Variants in TTN observed in about 807,000 individuals in gnomAD.
TTN encodes connectin.
A neutral mutation model predicts 3,223.0 loss-of-function variants in TTN; 1,525 were observed. The observed-to-expected ratio is 0.47, with a 90% confidence interval of 0.45 to 0.49. The LOEUF (loss-of-function observed/expected upper bound fraction) is 0.49. Among genes scored for constraint, TTN ranks in the 20% least tolerant of loss-of-function variants. The pLI is 0.00. For synonymous variants in TTN, 14,094 were observed against 15,161.0 expected, an observed-to-expected ratio of 0.93 and a Z score of 5.17; for missense variants, 40,786 against 43,424.0, an observed-to-expected ratio of 0.94 and a Z score of 5.40.
rs781698590 is a variant in TTN, at chr2:178,611,707, C to T, written c.50552-30G>A. 7.4e-6 allele frequency: 12 copies of T among 1,612,154 alleles called. No homozygotes were observed. In the East Asian group the frequency reaches 2.5e-4, roughly 33 times the overall value. On this transcript the variant is annotated intron_variant, in intron 268 of 362. Transcript: ENST00000589042. ...GAAAAGAGTGAAATATTCATATCCA[C>T]AGTCTCATCAAGTTCTAGACAATAT...
At chr2:178,597,874 A>C in intron 293 of TTN, 34 bp downstream of exon 293, 1 of 1,612,826 alleles carries the variant, frequency 6.2e-7, no homozygotes, top group Non-Finnish European at 8.5e-7. Flanking sequence ...CTGAAACATA[A>C]ATACTGATGG....
chr2:178,584,748 G>C lies in TTN; in HGVS notation c.64893C>G (p.Ile21631Met). 1 of 1,613,526 alleles carries C rather than the reference G, an allele frequency of 6.2e-7. No homozygotes were observed. The highest frequency in any genetic ancestry group is 8.5e-7 in the Non-Finnish European group (1 of 1,179,598). The change falls in exon 310 of 363, where the codon ATC (isoleucine) becomes ATG (methionine). Residue 21631 changes from isoleucine to methionine, a missense_variant. Ile to Met is a conservative substitution (Grantham distance 10, BLOSUM62 1). Coordinates refer to ENST00000589042, the MANE Select transcript of TTN (RefSeq NM_001267550.2). The part of the protein sequence containing the change: ...VGKLIPGQEY[I>M]FRVRAENRFG... ...ATCGGTTTTCAGCACGGACCCGGAA[G>C]ATGTACTCCTGGCCTGGGATCAGCT...
Position 178,579,060 on chromosome 2 carries a change from G to A in TTN, c.67970C>T (p.Thr22657Ile). Reference protein sequence around the residue: ...PTGPIKFDEVTAEAMTLKWAP... With the variant: ...PTGPIKFDEVIAEAMTLKWAP... Reference sequence around the variant, plus strand: ...CCACTTTAAGGTCATGGCTTCTGCTGTGACTTCATCAAATTTGATTGGTCC... The same window carrying A: ...CCACTTTAAGGTCATGGCTTCTGCTATGACTTCATCAAATTTGATTGGTCC... Residue 22657 changes from threonine (T) to isoleucine (I), a missense_variant, in exon 320 of 363, where the codon ACA (threonine) becomes ATA (isoleucine). Transcript: ENST00000589042. The A allele has an allele frequency of 1.9e-6, 3 of 1,613,260 alleles. No homozygotes were observed. The highest frequency in any genetic ancestry group is 1.1e-5 in the South Asian group (1 of 91,076).
In TTN at chr2:178,549,839, C is replaced by T. The variant is rs780476250; in HGVS notation, c.91883G>A (p.Arg30628Lys). 22 of 1,583,646 alleles carry T rather than the reference C, an allele frequency of 1.4e-5. No individual in the cohort carries two copies. The African/African-American group carries it at 2.3e-4, about 17-fold the overall frequency. ...CTTCTCCCCAGTAATATTGGTGAATCTTATTGGCCCAACTACTTTTCCTGG... is the reference window on the plus strand; with the variant it reads ...CTTCTCCCCAGTAATATTGGTGAATTTTATTGGCCCAACTACTTTTCCTGG... Reference protein sequence around the residue: ...DTPGKVVGPIRFTNITGEKMT... With the variant: ...DTPGKVVGPIKFTNITGEKMT... Residue 30628 changes from arginine to lysine, a missense_variant, in exon 338 of 363, where the codon AGA (arginine) becomes AAA (lysine). Coordinates refer to ENST00000589042, the MANE Select transcript of TTN (RefSeq NM_001267550.2).
At chr2:178,703,122 C>T (rs1375954880) in intron 106 of TTN, among the ~76,000 whole-genome samples, 1 of 152,050 alleles carries the variant, frequency 6.6e-6, no homozygotes, top group Non-Finnish European at 1.5e-5. Context: ...ATTTCAAACG[C>T]AATCGGAAAT....
In TTN at chr2:178,581,741, G is replaced by A. The variant is rs779303152; in HGVS notation, c.66527C>T (p.Ser22176Phe). 81 of 1,608,732 alleles carry A rather than the reference G, an allele frequency of 5.0e-5. No homozygotes were observed. Among genetic ancestry groups the A allele is most frequent in the Non-Finnish European group, 6.6e-5 (78 of 1,177,398 alleles). Residue 22176 changes from serine (S) to phenylalanine (F), a missense_variant, in exon 316 of 363, where the codon TCT (serine) becomes TTT (phenylalanine). Coordinates refer to ENST00000589042, the MANE Select transcript of TTN (RefSeq NM_001267550.2). Reference sequence around the variant, plus strand: ...GCCGTCATAGGCTGGCTTGCCCCAAGATAGACTCACAGAGCTGCGAGTTGT... The same window carrying A: ...GCCGTCATAGGCTGGCTTGCCCCAAAATAGACTCACAGAGCTGCGAGTTGT... The part of the protein sequence containing the change: ...YDTTRSSVSL[S>F]WGKPAYDGGS...
In TTN at chr2:178,649,248, CT is replaced by C. The variant is rs1263988021; in HGVS notation, c.40056del (p.Val13353CysfsTer36). ...VTKKPEVLPE[K>X]VPKVPEKIIP... ...TCTATTTTTTCTTCATGGTAGGTAC[CT>C]TTTTCTGGAAGAACTTCTGGTTTTT... On this transcript the variant is annotated frameshift_variant and splice_region_variant, in exon 213 of 363. Transcript: ENST00000589042. LOFTEE classifies it high-confidence loss of function. The C allele has an allele frequency of 3.3e-6, 5 of 1,499,068 alleles. No individual in the cohort carries two copies. The highest frequency in any genetic ancestry group is 2.6e-5 in the Admixed American group (1 of 37,766). 92.9% of individuals were successfully genotyped at this position (1,499,068 alleles called of 1,614,324 possible).
At chr2:178,604,440 C>A in intron 281 of TTN, 135 bp from the exon 282 acceptor site, 1 of 803,048 alleles carries the variant, frequency 1.2e-6, no homozygotes, top group Non-Finnish European at 1.8e-6. Flanking sequence ...CATGGGAAGA[C>A]AGAGAAAAGG....
rs779496338 is a variant in TTN at position 178,728,724 on chromosome 2, G to A, written c.19202C>T (p.Pro6401Leu). ...AGCCACAACACATTCCAAGGTCATG[G>A]GATCTTTCTCCGTAACATCAACTGA... ...AKSVDVTEKD[P>L]MTLECVVAGT... The change falls in exon 66 of 363, where the codon CCC becomes CTC. Residue 6401 changes from proline (P) to leucine (L), a missense_variant. By Grantham distance (98) the Pro-to-Leu change is moderately conservative. Transcript: ENST00000589042. The A allele has an allele frequency of 6.2e-7, 1 of 1,610,916 alleles. No individual in the cohort carries two copies. The highest frequency in any genetic ancestry group is 1.1e-5 in the South Asian group (1 of 90,976).
intron 47 of TTN, chr2:178,750,159 G>A (rs757313809): frequency 6.2e-7 from 1 of 1,613,174 alleles, no homozygotes; most frequent in Admixed American, 1.7e-5. Flanking sequence ...AACAAATGAA[G>A]ATTTGTTTGG....
rs576735448 is a variant in TTN at position 178,619,609 on chromosome 2, A to G, written c.46696+12T>C. ...TGATATTGGAAGGATATTTTAAAATAAAGGGACTGACCTGCCAGTTCAAGC... is the reference window on the plus strand; with the variant it reads ...TGATATTGGAAGGATATTTTAAAATGAAGGGACTGACCTGCCAGTTCAAGC... On this transcript the variant is annotated intron_variant, in intron 250 of 362. Transcript: ENST00000589042. The G allele has an allele frequency of 6.2e-7, 1 of 1,606,804 alleles. No individual in the cohort carries two copies. The highest frequency in any genetic ancestry group is 1.3e-5 in the African/African-American group (1 of 74,382).
chr2:178,563,036 A>G lies in TTN; in HGVS notation c.83096T>C (p.Ile27699Thr), dbSNP rs1411163896. Reference sequence around the variant, plus strand: ...AACTTCGGGTTCTGGTCGACCTTTGATAGTGACAAATAAGCGTAAAGTAGC... The same window carrying G: ...AACTTCGGGTTCTGGTCGACCTTTGGTAGTGACAAATAAGCGTAAAGTAGC... ...ASATLRLFVT[I>T]KGRPEPEVKW... The change falls in exon 326 of 363, where the codon ATC (isoleucine) becomes ACC (threonine). Residue 27699 changes from isoleucine to threonine, a missense_variant. By Grantham distance (89) the Ile-to-Thr change is moderately conservative. Coordinates refer to ENST00000589042, the MANE Select transcript of TTN (RefSeq NM_001267550.2). This position sits in a 1 kb window ranked among gnomAD's most constrained non-coding sequence, Gnocchi z 4.5. 1.9e-6 allele frequency: 3 copies of G among 1,613,540 alleles called. No homozygotes were observed. The African/African-American group carries it at 4.0e-5, about 22-fold the overall frequency.
Position 178,773,642 on chromosome 2 carries a change from C to T in TTN, c.7414G>A (p.Asp2472Asn), listed in dbSNP as rs1486709515. 2 of 1,614,030 alleles carry T rather than the reference C, an allele frequency of 1.2e-6. No individual in the cohort carries two copies. Among genetic ancestry groups the T allele is most frequent in the South Asian group, 1.1e-5 (1 of 91,078 alleles). Residue 2472 changes from aspartate (D) to asparagine (N), a missense_variant, in exon 32 of 363, where the codon GAT becomes AAT. Transcript: ENST00000589042. ...AAGTACCACTTAACAGAAGTCACAT[C>T]AGGGACTGACACCTTACATTCAAGC... ...AVLECKVSVP[D>N]VTSVKWYLND...
intron 1 of TTN, among the ~76,000 whole-genome samples, chr2:178,805,456 T>C (rs922927866): frequency 1.3e-5 from 2 of 152,176 alleles, no homozygotes; most frequent in African/African-American, 4.8e-5. Flanking sequence ...ACTCTATATT[T>C]ATAAAGTTGA....
Position 178,729,346 on chromosome 2 carries a change from C to T in TTN, c.18810G>A (p.Gln6270=), listed in dbSNP as rs727505012. The T allele has an allele frequency of 6.2e-7, 1 of 1,613,542 alleles. No homozygotes were observed. Among genetic ancestry groups the T allele is most frequent in the Non-Finnish European group, 8.5e-7 (1 of 1,179,608 alleles). ...KCDPSDTGEY[Q]CIVSNEGGSC... ...TGCCGCCTTCATTGGATACAATGCA[C>T]TGGTATTCCCCAGTGTCTGAAGGGT... Residue 6270 remains glutamine (Q), a synonymous_variant, in exon 64 of 363, where the codon CAG becomes CAA. Transcript: ENST00000589042.
In TTN at chr2:178,767,744, G is replaced by A. The variant is rs1430805006; in HGVS notation, c.9471+15C>T. 10 of 1,613,142 alleles carry A rather than the reference G, an allele frequency of 6.2e-6. No homozygotes were observed. Among genetic ancestry groups the A allele is most frequent in the South Asian group, 2.2e-5 (2 of 91,074 alleles). On this transcript the variant is annotated intron_variant, in intron 40 of 362. Transcript: ENST00000589042. ...TACTGATGATTTTTCAAAACATTTAGTATGTAGACAATACCTGAACCTCCT... is the reference window on the plus strand; with the variant it reads ...TACTGATGATTTTTCAAAACATTTAATATGTAGACAATACCTGAACCTCCT...
At chr2:178,597,414 C>T (rs940900464) in intron 294 of TTN, 124 bp downstream of exon 294, 15 of 1,154,126 alleles carry the variant, frequency 1.3e-5, no homozygotes, top group African/African-American at 1.1e-4. Context: ...TAATGTTCAA[C>T]ATGATTATGG....
At position 178,560,860 on chromosome 2, in the gene TTN, G is replaced by A. The variant is rs1703387647; in HGVS notation, c.85272C>T (p.Asp28424=). 1.2e-6 allele frequency: 2 copies of A among 1,613,700 alleles called. No individual in the cohort carries two copies. The highest frequency in any genetic ancestry group is 2.7e-5 in the African/African-American group (2 of 75,040). ...LLTVKDCIRR[D]TGQYVLTLKN... The stretch of plus-strand genomic sequence containing the variant: ...TCAGTGTTAGTACATATTGCCCAGT[G>A]TCTCGTCTTATACAGTCTTTAACTG... The change falls in exon 326 of 363, where the codon GAC becomes GAT. Residue 28424 remains aspartate (D), a synonymous_variant. Transcript: ENST00000589042.
chr2:178,613,791 C>A lies in TTN; in HGVS notation c.49492G>T (p.Val16498Phe). 1 of 1,612,518 alleles carries A rather than the reference C, an allele frequency of 6.2e-7. No homozygotes were observed. Among genetic ancestry groups the A allele is most frequent in the Non-Finnish European group, 8.5e-7 (1 of 1,178,982 alleles). The change falls in exon 263 of 363, where the codon GTT becomes TTT. Residue 16498 changes from valine to phenylalanine, a missense_variant. Transcript: ENST00000589042. The stretch of plus-strand genomic sequence containing the variant: ...TTTACTGGCATCTTATTGCATCTAA[C>A]CCATTTATCTGTATCAGGATCCAGT... ...ERLDPDTDKW[V>F]RCNKMPVKDT... is the part of the protein sequence containing the mutation.
Sources: gnomAD v4.1 joint callset for allele counts (sites outside exome capture counted in the v4.1 genomes callset) on GRCh38, gnomAD v4.1.1 for gene constraint, Gnocchi (gnomAD v3.1) non-coding constraint, MANE v1.5 for transcripts, NCBI Gene and HGNC (gene_info 2026-07-23, HGNC 2026-07-21) for gene names.